The following HEATR5B variants were observed in gnomAD, a reference collection of about 807,000 sequenced individuals.
The protein encoded by HEATR5B is HEAT repeat containing 5B, also known as HEAT repeat-containing protein 5B.
HEATR5B carries 156 observed loss-of-function variants against 224.1 expected under a neutral mutation model. The observed-to-expected ratio is 0.70, with a 90% CI of 0.61 to 0.80. The LOEUF (loss-of-function observed/expected upper bound fraction) is 0.80, where lower values mean the gene tolerates loss of function less well. Ranked by LOEUF, HEATR5B falls within the 30% of genes least tolerant of loss-of-function variation. The probability of loss-of-function intolerance (pLI) is 0.00; values close to 1 mark genes in which losing one functional copy is unlikely to be tolerated. For synonymous variants in HEATR5B, 1,027 were observed against 893.0 expected (o/e 1.15, Z -2.68); for missense variants, 2,323 against 2,535.5 (o/e 0.92, Z 1.80).
At chr2:37,067,550 C>T (rs1004441787) in intron 8 of HEATR5B, among the ~76,000 whole-genome samples, 3 of 152,182 alleles carry the variant, frequency 2.0e-5, no homozygotes, top group Non-Finnish European at 2.9e-5. Context: ...AGGTGGATCA[C>T]TTGAGGTCAG....
At chr2:37,001,597 CTAACAT>C (rs1156313821) in intron 32 of HEATR5B, among the ~76,000 whole-genome samples, 7 of 151,568 alleles carry the variant, frequency 4.6e-5, no homozygotes, top group Non-Finnish European at 8.8e-5. Flanking sequence ...ATAAAATACA[CTAACAT>C]TAACAACAGC....
At chr2:37,074,907 G>T (rs965441706) in intron 5 of HEATR5B, among the ~76,000 whole-genome samples, 1 of 152,322 alleles carries the variant, frequency 6.6e-6, no homozygotes, top group South Asian at 2.1e-4. Flanking sequence ...TAAAAAGACT[G>T]TCAGTAACAA....
chr2:36,988,776 T>C lies in HEATR5B; in HGVS notation c.5781A>G (p.Leu1927=), dbSNP rs886176894. 4 of 1,614,066 alleles carry C rather than the reference T, an allele frequency of 2.5e-6. No individual in the cohort carries two copies. The highest frequency in any genetic ancestry group is 3.4e-6 in the Non-Finnish European group (4 of 1,179,956). The part of the protein sequence containing the change: ...RALSTPYIHS[L]APIVVEKLKA... ...TTAGCTTTTCAACCACTATTGGAGC[T>C]AATGAATGAATATAAGGAGTTGAAA... is the stretch of plus-strand genomic sequence containing the variant. Residue 1927 remains leucine, a synonymous_variant, in exon 35 of 36, where the codon TTA becomes TTG. Transcript: ENST00000233099.
chr2:37,081,311 G>A (rs901154986), intron 2 of HEATR5B, among the ~76,000 whole-genome samples: 3 of 152,102 alleles, frequency 2.0e-5, no homozygotes, highest in African/African-American at 7.2e-5. Context: ...ATGTTGGTGT[G>A]CTGCACCCAT....
chr2:37,029,609 A>G (rs2148464993), intron 22 of HEATR5B, among the ~76,000 whole-genome samples: 1 of 152,052 alleles, frequency 6.6e-6, no homozygotes, highest in East Asian at 1.9e-4. Flanking sequence ...TGTTGCAGTG[A>G]GCCAAGATTG....
chr2:36,986,180 C>T (rs572314079), intron 35 of HEATR5B, among the ~76,000 whole-genome samples: 1 of 152,216 alleles, frequency 6.6e-6, no homozygotes, highest in South Asian at 2.1e-4. Context: ...AATAAAAATA[C>T]AAATAAAGTT....
At position 36,981,610 on chromosome 2, in the gene HEATR5B, T is replaced by C; in HGVS notation, c.6096A>G (p.Lys2032=). The change falls in exon 36 of 36, where the codon AAA becomes AAG. Residue 2032 remains lysine, a synonymous_variant. Coordinates refer to ENST00000233099, the MANE Select transcript of HEATR5B (RefSeq NM_019024.3). ...KTVMGAAPEL[K]VRLETAVRAS... ...CTCGAACGGCAGTTTCTAGACGCAC[T>C]TTCAACTCAGGAGCAGCCCCCATTA... 2 of 1,614,234 alleles carry C rather than the reference T, an allele frequency of 1.2e-6. No individual in the cohort carries two copies. Among genetic ancestry groups the C allele is most frequent in the Non-Finnish European group, 8.5e-7 (1 of 1,180,040 alleles).
At chr2:37,039,189 G>A (rs181659583) in intron 20 of HEATR5B, among the ~76,000 whole-genome samples, 2,214 of 151,278 alleles carry the variant, frequency 0.015, 44 homozygotes, top group Non-Finnish European at 0.018. Context: ...AAAAAAGGCC[G>A]GGTGTGGTGG....
chr2:37,083,170 C>T (rs1210536583), intron 2 of HEATR5B, 119 bp downstream of exon 2: 26 of 1,116,588 alleles, frequency 2.3e-5, no homozygotes, highest in Non-Finnish European at 3.3e-5. Context: ...TCGTGTAATA[C>T]TCTCAAGTTC....
At chr2:37,071,799 C>T (rs1456849408) in intron 6 of HEATR5B, among the ~76,000 whole-genome samples, 1 of 151,902 alleles carries the variant, frequency 6.6e-6, no homozygotes, top group Admixed American at 6.6e-5. Context: ...ATTCTCCTGC[C>T]TCAGCCTCCC....
At chr2:37,018,418 T>C (rs960277633) in intron 26 of HEATR5B, among the ~76,000 whole-genome samples, 1 of 152,208 alleles carries the variant, frequency 6.6e-6, no homozygotes, top group Non-Finnish European at 1.5e-5. Flanking sequence ...CAAACCAAAT[T>C]ACCTAGTCGA....
chr2:37,051,305 G>C (rs545634684), intron 17 of HEATR5B, among the ~76,000 whole-genome samples: 1 of 117,224 alleles, frequency 8.5e-6, no homozygotes, highest in Non-Finnish European at 1.7e-5. Context: ...GCAGTGAGCT[G>C]AGATCACGCC....
At chr2:37,051,766 G>A (rs190906328) in intron 17 of HEATR5B, among the ~76,000 whole-genome samples, 50 of 151,774 alleles carry the variant, frequency 3.3e-4, no homozygotes, top group Middle Eastern at 6.8e-3. Context: ...CTGAGACAGA[G>A]TCTTGCTCTG....
intron 26 of HEATR5B, among the ~76,000 whole-genome samples, chr2:37,014,986 GA>G (rs1183715924): frequency 2.1e-5 from 3 of 145,252 alleles, no homozygotes; most frequent in African/African-American, 7.6e-5. Flanking sequence ...AAGAAAGAAA[GA>G]AAAAAAAAGG....
At chr2:36,998,061 G>A (rs1666846054) in intron 33 of HEATR5B, among the ~76,000 whole-genome samples, 1 of 152,062 alleles carries the variant, frequency 6.6e-6, no homozygotes, top group Non-Finnish European at 1.5e-5. Flanking sequence ...ATTCTCACAT[G>A]GATGAATGTC....
intron 27 of HEATR5B, among the ~76,000 whole-genome samples, chr2:37,012,929 T>C (rs1667878754): frequency 6.6e-6 from 1 of 152,254 alleles, no homozygotes; most frequent in Admixed American, 6.5e-5. Flanking sequence ...GTATTTCTCC[T>C]GTGATAATGC....
In HEATR5B at chr2:37,037,838, A is replaced by C; in HGVS notation, c.3216+17T>G. The C allele has an allele frequency of 6.9e-7, 1 of 1,453,978 alleles. No individual in the cohort carries two copies. Among genetic ancestry groups the C allele is most frequent in the Admixed American group, 2.5e-5 (1 of 40,654 alleles). The allele number at this position is 1,453,978 out of a possible 1,614,324, so 90.1% of individuals were successfully genotyped here. A position where few individuals can be genotyped will look rare whatever the true frequency, so the allele number is the denominator to read the frequency against. ...ATACAACTTAAAAATCAATGAATGA[A>C]ATAGCTCTATACTTACACAAAGGCT... On this transcript the variant is annotated intron_variant, in intron 21 of 35. Coordinates refer to ENST00000233099, the MANE Select transcript of HEATR5B (RefSeq NM_019024.3).
At chr2:37,013,261 A>C (rs1300276951) in intron 27 of HEATR5B, among the ~76,000 whole-genome samples, 3 of 152,242 alleles carry the variant, frequency 2.0e-5, no homozygotes, top group Non-Finnish European at 4.4e-5. Context: ...AGTTACTTCA[A>C]TACTGGAGGG....
intron 23 of HEATR5B, 117 bp from the exon 24 acceptor site, chr2:37,028,291 G>T: frequency 3.3e-6 from 2 of 614,754 alleles, no homozygotes. Flanking sequence ...TTACTTGCTG[G>T]AAAACAGTAA....
Sources: allele counts gnomAD v4.1 joint callset (sites outside exome capture counted in the v4.1 genomes callset), GRCh38; gene constraint gnomAD v4.1.1; transcripts MANE v1.5; gene names NCBI Gene and HGNC (gene_info 2026-07-23, HGNC 2026-07-21).